PAK1: variants seen among roughly 807,000 people sequenced by gnomAD.
The protein encoded by PAK1 is p21 (RAC1) activated kinase 1, also known as serine/threonine-protein kinase PAK 1.
In PAK1, 29 loss-of-function variants were observed where a neutral mutation model predicts 67.4. The observed-to-expected ratio is 0.43, with a 90% CI of 0.32 to 0.59. The LOEUF (loss-of-function observed/expected upper bound fraction) is 0.59, where lower values mean the gene tolerates loss of function less well. Ranked by LOEUF, PAK1 falls within the 20% of genes least tolerant of loss-of-function variation. The pLI, the probability that PAK1 is intolerant of heterozygous loss-of-function variation, is 0.07. For missense variants in PAK1, 337 were observed against 670.7 expected (o/e 0.50, Z 5.50); for synonymous variants, 223 against 237.4 (o/e 0.94, Z 0.56).
chr11:77,480,302 G>A, the PAK1 span, among the ~76,000 whole-genome samples: 4 of 151,810 alleles, frequency 2.6e-5, no homozygotes, highest in Admixed American at 6.6e-5. Context: ...TTTAAAAAAA[G>A]TATACTTTAA....
chr11:77,366,437 C>T (rs1947595851), intron 5 of PAK1, among the ~76,000 whole-genome samples: 1 of 152,108 alleles, frequency 6.6e-6, no homozygotes, highest in African/African-American at 2.4e-5. Flanking sequence ...TATACACATA[C>T]AGATTCATAC....
chr11:77,496,058 C>T, the PAK1 span, among the ~76,000 whole-genome samples: 3 of 146,850 alleles, frequency 2.0e-5, no homozygotes, highest in Admixed American at 2.1e-4. Context: ...CTCACTCTGT[C>T]GCCAGGCTGG....
intron 1 of PAK1, among the ~76,000 whole-genome samples, chr11:77,423,382 G>T (rs1197205818): frequency 7.2e-6 from 1 of 138,958 alleles, no homozygotes; most frequent in Non-Finnish European, 1.5e-5. Context: ...TTCAAAAATG[G>T]CTTTCAAGTT....
chr11:77,357,446 G>A (rs982096020), intron 6 of PAK1, among the ~76,000 whole-genome samples: 4 of 152,100 alleles, frequency 2.6e-5, no homozygotes, highest in Non-Finnish European at 5.9e-5. Flanking sequence ...TATATCCCAG[G>A]CACCTAAACC....
At chr11:77,416,169 G>A (rs1954941645) in intron 1 of PAK1, among the ~76,000 whole-genome samples, 1 of 152,062 alleles carries the variant, frequency 6.6e-6, no homozygotes, top group African/African-American at 2.4e-5. Flanking sequence ...AGTAGAGACG[G>A]AGTTTCACCA....
At chr11:77,385,387 G>A (rs926653383) in intron 2 of PAK1, among the ~76,000 whole-genome samples, 6 of 152,144 alleles carry the variant, frequency 3.9e-5, no homozygotes, top group African/African-American at 1.4e-4. Context: ...GCATTAGAAA[G>A]GAAATAATTA....
chr11:77,434,446 T>C (rs1956015516), intron 1 of PAK1, among the ~76,000 whole-genome samples: 1 of 144,382 alleles, frequency 6.9e-6, no homozygotes, highest in African/African-American at 2.6e-5. Context: ...ATTCTTTTTC[T>C]TTTTTTTTTT....
chr11:77,490,939 T>C, the PAK1 span, among the ~76,000 whole-genome samples: 1 of 152,216 alleles, frequency 6.6e-6, no homozygotes. Context: ...AGCGTGCTTG[T>C]TGAGAGTCAT....
intron 1 of PAK1, among the ~76,000 whole-genome samples, chr11:77,400,015 T>C (rs1419462759): frequency 1.3e-5 from 2 of 152,064 alleles, no homozygotes; most frequent in Non-Finnish European, 2.9e-5. Context: ...CACTGTAAGA[T>C]TCTTCTGATT....
upstream of PAK1, chr11:77,475,797 T>G (rs896628667): frequency 6.6e-6 from 1 of 152,248 alleles, no homozygotes; most frequent in African/African-American, 2.4e-5. Flanking sequence ...ATTTCTTGAG[T>G]TCCAAGTCAT....
chr11:77,353,497 A>G (rs142000928), intron 8 of PAK1, 39 bp downstream of exon 8: 3 of 1,445,994 alleles, frequency 2.1e-6, no homozygotes, highest in Non-Finnish European at 1.9e-6. Context: ...CACACACTTT[A>G]AAGTCATTTC....
At chr11:77,429,464 T>A (rs559898945) in intron 1 of PAK1, among the ~76,000 whole-genome samples, 2 of 152,312 alleles carry the variant, frequency 1.3e-5, no homozygotes, top group South Asian at 4.1e-4. Flanking sequence ...AGACACCACC[T>A]TAAGCAAGAT....
chr11:77,499,831 A>C, the PAK1 span, among the ~76,000 whole-genome samples: 1 of 152,146 alleles, frequency 6.6e-6, no homozygotes, highest in Non-Finnish European at 1.5e-5. Flanking sequence ...AGAGCAGTAG[A>C]CTTTCCGGCA....
chr11:77,470,395 A>T lies in PAK1; in HGVS notation c.-22+3157T>A, dbSNP rs555206195. On this transcript the variant is annotated intron_variant, in intron 1 of 14. Transcript: ENST00000356341. ...ATTTCATCTCTTCATTTCAGCACTT[A>T]TCATGTCATATTATCTCTAGCTCCT... 4.6e-5 allele frequency among the ~76,000 whole-genome samples: 7 copies of T among 152,180 alleles called. 1 individual carries two copies. The highest frequency in any genetic ancestry group is 1.3e-4 in the Admixed American group (2 of 15,286).
At chr11:77,446,414 A>G (rs1017939775) in intron 1 of PAK1, among the ~76,000 whole-genome samples, 5 of 150,988 alleles carry the variant, frequency 3.3e-5, no homozygotes, top group Admixed American at 2.6e-4. Flanking sequence ...CAGGAGGCTG[A>G]GCCATGAGAA....
At chr11:77,505,005 C>T in the PAK1 span, among the ~76,000 whole-genome samples, 2 of 152,220 alleles carry the variant, frequency 1.3e-5, no homozygotes, top group South Asian at 2.1e-4. Context: ...AGTGGAGCCA[C>T]GATCTGGAGC....
At chr11:77,363,044 C>T (rs543290904) in intron 5 of PAK1, among the ~76,000 whole-genome samples, 7 of 152,192 alleles carry the variant, frequency 4.6e-5, no homozygotes, top group African/African-American at 1.4e-4. Flanking sequence ...AGGTTTTTAA[C>T]AGGCCAGTTA....
intron 9 of PAK1, among the ~76,000 whole-genome samples, chr11:77,346,341 A>C (rs1051265065): frequency 1.3e-5 from 2 of 152,178 alleles, no homozygotes; most frequent in African/African-American, 4.8e-5. Context: ...CCACCTATAT[A>C]GGCTAGGAGA....
Position 77,444,698 on chromosome 11 carries a change from A to G in PAK1, c.-22+28854T>C, listed in dbSNP as rs1956516023. On this transcript the variant is annotated intron_variant, in intron 1 of 14. Transcript: ENST00000356341. ...CATACAGCAACAAAATTGCTTCTAG[A>G]AAAAGAAAAGCTGCCCACAATAGTA... Among the ~76,000 whole-genome samples, 3 of 152,242 alleles carry G rather than the reference A, an allele frequency of 2.0e-5. No homozygotes were observed. In the South Asian group the frequency reaches 6.2e-4, roughly 32 times the overall value.
Sources: gnomAD v4.1 joint callset for allele counts (sites outside exome capture counted in the v4.1 genomes callset) on GRCh38, gnomAD v4.1.1 for gene constraint, MANE v1.5 for transcripts, NCBI Gene and HGNC (gene_info 2026-07-23, HGNC 2026-07-21) for gene names.